The following LMNTD1 variants were observed in gnomAD, a reference collection of about 807,000 sequenced individuals.
LMNTD1 encodes lamin tail domain-containing protein 1.
In LMNTD1, 35 loss-of-function variants were observed where a neutral mutation model predicts 50.9. The ratio of observed to expected loss-of-function variants is 0.69; its 90% CI spans 0.53 to 0.91. The LOEUF (loss-of-function observed/expected upper bound fraction) is 0.91. Ranked by LOEUF, LMNTD1 falls within the 40% of genes least tolerant of loss-of-function variation. The pLI is 0.00. For synonymous variants in LMNTD1, 153 were observed against 161.9 expected, an observed-to-expected ratio of 0.94 and a Z score of 0.42; for missense variants, 470 against 475.5, an observed-to-expected ratio of 0.99 and a Z score of 0.11.
chr12:25,498,324 TAGTA>T (rs1198590366), intron 9 of LMNTD1, among the ~76,000 whole-genome samples: 3 of 152,170 alleles, frequency 2.0e-5, no homozygotes, highest in Non-Finnish European at 2.9e-5. Flanking sequence ...ATTTTGCACA[TAGTA>T]AGTATCACAA....
At chr12:25,497,318 G>C (rs542680095) in intron 9 of LMNTD1, among the ~76,000 whole-genome samples, 1 of 152,148 alleles carries the variant, frequency 6.6e-6, no homozygotes, top group East Asian at 1.9e-4. Flanking sequence ...TCAACGGCCG[G>C]CGGGAAGCAC....
At chr12:25,601,304 G>A (rs1163202282) in intron 1 of LMNTD1, among the ~76,000 whole-genome samples, 3 of 151,948 alleles carry the variant, frequency 2.0e-5, no homozygotes, top group Non-Finnish European at 4.4e-5. Flanking sequence ...AGGCTGGGAA[G>A]GGTAGTGGGA....
intron 9 of LMNTD1, among the ~76,000 whole-genome samples, chr12:25,484,749 G>A (rs1209628115): frequency 1.4e-5 from 2 of 144,890 alleles, no homozygotes; most frequent in Non-Finnish European, 3.0e-5. Flanking sequence ...GTGAGAATAT[G>A]CGGTGTTTGG....
chr12:25,539,833 C>T (rs1451102273), intron 4 of LMNTD1, among the ~76,000 whole-genome samples: 1 of 145,020 alleles, frequency 6.9e-6, no homozygotes, highest in Non-Finnish European at 1.5e-5. Flanking sequence ...GCTAGCAAGA[C>T]TAATAAAGAA....
rs1421459655 is a variant in LMNTD1 at position 25,600,244 on chromosome 12, T to C, written c.58+48250A>G. On this transcript the variant is annotated intron_variant, in intron 1 of 7. Transcript: ENST00000445693. Reference sequence around the variant, plus strand: ...TTGTGCTGGGAAAACTGGATATTCCTATGCAGAAGAATGAAACTATATCCC... The same window carrying C: ...TTGTGCTGGGAAAACTGGATATTCCCATGCAGAAGAATGAAACTATATCCC... Among the ~76,000 whole-genome samples, 3 of 152,058 alleles carry C rather than the reference T, an allele frequency of 2.0e-5. No homozygotes were observed. The East Asian group carries it at 5.8e-4, about 29-fold the overall frequency.
At chr12:25,497,457 A>G (rs1939126419) in intron 9 of LMNTD1, 1 of 152,822 alleles carries the variant, frequency 6.5e-6, no homozygotes, top group African/African-American at 2.4e-5. Flanking sequence ...TGTGGAACAG[A>G]CAAGAACCCC....
chr12:25,493,907 A>C (rs1313989921), intron 9 of LMNTD1, among the ~76,000 whole-genome samples: 2 of 151,880 alleles, frequency 1.3e-5, no homozygotes, highest in South Asian at 4.2e-4. Flanking sequence ...TAGGCCACTC[A>C]CCCTTGGAAC....
intron 9 of LMNTD1, among the ~76,000 whole-genome samples, chr12:25,493,326 C>T (rs1274841605): frequency 6.6e-6 from 1 of 152,034 alleles, no homozygotes; most frequent in Non-Finnish European, 1.5e-5. Context: ...AACTACAAGC[C>T]CTTCACAGTA....
rs1309463500 is a variant in LMNTD1, at chr12:25,488,206, T to C, written c.*23-11746A>G. Among the ~76,000 whole-genome samples, 5 of 139,010 alleles carry C rather than the reference T, an allele frequency of 3.6e-5. No individual in the cohort carries two copies. In the East Asian group the frequency reaches 8.6e-4, roughly 24 times the overall value. 91.2% of individuals were successfully genotyped at this position (139,010 alleles called of 152,430 possible). On this transcript the variant is annotated intron_variant, in intron 9 of 9. Transcript: ENST00000458174. ...CCTTGCTAGATTGGGGAAGTTCTCCTGGATAATATCCTGCAGAGTGTTTTC... is the reference window on the plus strand; with the variant it reads ...CCTTGCTAGATTGGGGAAGTTCTCCCGGATAATATCCTGCAGAGTGTTTTC...
chr12:25,608,260 C>T (rs1371699176), intron 1 of LMNTD1, among the ~76,000 whole-genome samples: 2 of 152,200 alleles, frequency 1.3e-5, no homozygotes, highest in Non-Finnish European at 1.5e-5. Context: ...GAATATAGCA[C>T]ACTGATGGAT....
In LMNTD1 at chr12:25,616,047, T is replaced by C. The variant is rs1946346506; in HGVS notation, c.58+32447A>G. Among the ~76,000 whole-genome samples, 3 of 151,584 alleles carry C rather than the reference T, an allele frequency of 2.0e-5. No individual in the cohort carries two copies. The South Asian group carries it at 6.3e-4, about 32-fold the overall frequency. ...CTGTCCTCATGAAGTCTACTTCTAG[T>C]AGGGGAGACAGACTATACCTCACCC... On this transcript the variant is annotated intron_variant, in intron 1 of 7. Coordinates refer to the LMNTD1 transcript ENST00000445693.
At chr12:25,527,681 T>TACACACACACACAC (rs376707066) in intron 4 of LMNTD1, among the ~76,000 whole-genome samples, 4 of 32,354 alleles carry the variant, frequency 1.2e-4, no homozygotes, top group East Asian at 1.1e-3. Flanking sequence ...TATATATATA[T>TACACACACACACAC]ACACACACAC....
intron 1 of LMNTD1, among the ~76,000 whole-genome samples, chr12:25,615,179 G>C (rs11048128): frequency 0.32 from 48,511 of 151,948 alleles, 9,053 homozygotes; most frequent in East Asian, 0.86. Context: ...TCTTGCTCAC[G>C]AGATGAGAGA....
chr12:25,616,274 ATATT>A (rs1946352000), intron 1 of LMNTD1, among the ~76,000 whole-genome samples: 1 of 152,186 alleles, frequency 6.6e-6, no homozygotes, highest in African/African-American at 2.4e-5. Flanking sequence ...ATAATAGTCA[ATATT>A]TATTTAGGCA....
chr12:25,637,033 A>G (rs58695357), intron 1 of LMNTD1, among the ~76,000 whole-genome samples: 94,749 of 151,852 alleles, frequency 0.62, 30,011 homozygotes, highest in Non-Finnish European at 0.69. Context: ...CAGATATGGT[A>G]CAGTGTATAC....
chr12:25,547,270 G>T, intron 3 of LMNTD1: 1 of 568,182 alleles, frequency 1.8e-6, no homozygotes, highest in Non-Finnish European at 2.2e-6. Context: ...AACGTGTCTT[G>T]CATTTAGACA....
At chr12:25,576,251 T>C (rs193106938) in intron 1 of LMNTD1, among the ~76,000 whole-genome samples, 138 of 152,326 alleles carry the variant, frequency 9.1e-4, no homozygotes, top group Non-Finnish European at 1.7e-3. Flanking sequence ...TTCTAGATCC[T>C]TGAGGAATCA....
Position 25,645,748 on chromosome 12 carries a change from C to G in LMNTD1, c.58+2746G>C, listed in dbSNP as rs575266105. 2.0e-5 allele frequency among the ~76,000 whole-genome samples: 3 copies of G among 152,332 alleles called. No individual in the cohort carries two copies. The South Asian group carries it at 6.2e-4, about 32-fold the overall frequency. On this transcript the variant is annotated intron_variant, in intron 1 of 7. Transcript: ENST00000445693. ...GTTTCAGACTTTCTGAACCCTTCTG[C>G]ATTTCAGTTTGTCCTTTTAAACTGG...
chr12:25,607,241 T>C (rs531769864), intron 1 of LMNTD1, among the ~76,000 whole-genome samples: 1 of 152,324 alleles, frequency 6.6e-6, no homozygotes, highest in South Asian at 2.1e-4. Context: ...TTATTAGTCT[T>C]GCTAGCAGTC....
Sources: gnomAD v4.1 joint callset for allele counts (sites outside exome capture counted in the v4.1 genomes callset) on GRCh38, gnomAD v4.1.1 for gene constraint, MANE v1.5 for transcripts, NCBI Gene and HGNC (gene_info 2026-07-23, HGNC 2026-07-21) for gene names.